CLSTN2: variants seen among roughly 807,000 people sequenced by gnomAD.
The protein encoded by CLSTN2 is calsyntenin 2, also known as calsyntenin-2.
Under a neutral mutation model 101.2 loss-of-function variants are expected in CLSTN2, and 48 were observed. The observed-to-expected ratio is 0.47, with a 90% CI of 0.38 to 0.60. The LOEUF is 0.60. CLSTN2 is among the 20% of genes least tolerant of loss of function. The pLI is 0.00. For synonymous variants in CLSTN2, 481 were observed against 463.6 expected, an observed-to-expected ratio of 1.04 and a Z score of -0.48; for missense variants, 1,160 against 1,238.2, an observed-to-expected ratio of 0.94 and a Z score of 0.95.
chr3:140,515,776 G>A (rs1335348390), intron 8 of CLSTN2, among the ~76,000 whole-genome samples: 1 of 151,956 alleles, frequency 6.6e-6, no homozygotes, highest in African/African-American at 2.4e-5. Flanking sequence ...CTTGTTTTGT[G>A]GCCTATCATA....
chr3:140,391,084 C>T (rs114588799), intron 2 of CLSTN2, among the ~76,000 whole-genome samples: 1,916 of 152,268 alleles, frequency 0.013, 41 homozygotes, highest in African/African-American at 0.043. Flanking sequence ...CAGCCAGAGA[C>T]TTGGAAACGG....
intron 1 of CLSTN2, among the ~76,000 whole-genome samples, chr3:140,136,541 C>T (rs1207016238): frequency 6.6e-6 from 1 of 152,128 alleles, no homozygotes; most frequent in Non-Finnish European, 1.5e-5. Flanking sequence ...TGATTTTAAT[C>T]CAGGTGGATA....
rs577585191 is a variant in CLSTN2 at position 140,556,191 on chromosome 3, C to A, written c.1675-322C>A. On this transcript the variant is annotated intron_variant, in intron 10 of 16. Transcript: ENST00000458420. ...TCCAGACCACCCGGCTAGCACAGAG[C>A]ATGGACCACTGTTCGCCAAGGGCTG... Among the ~76,000 whole-genome samples the A allele has an allele frequency of 9.9e-5, 15 of 152,266 alleles. No homozygotes were observed. The South Asian group carries it at 2.9e-3, about 29-fold the overall frequency.
intron 5 of CLSTN2, among the ~76,000 whole-genome samples, chr3:140,430,173 T>C (rs1040121369): frequency 3.3e-5 from 5 of 152,190 alleles, no homozygotes; most frequent in Admixed American, 3.3e-4. Context: ...TAAAGAAGGA[T>C]TCTTGCCCTC....
At chr3:140,197,437 G>C (rs766532886) in intron 2 of CLSTN2, among the ~76,000 whole-genome samples, 1 of 152,126 alleles carries the variant, frequency 6.6e-6, no homozygotes, top group Non-Finnish European at 1.5e-5. Context: ...AATCACATGA[G>C]TTTGTACAGG....
At chr3:140,226,769 GC>G (rs940256284) in intron 2 of CLSTN2, among the ~76,000 whole-genome samples, 10 of 152,194 alleles carry the variant, frequency 6.6e-5, no homozygotes, top group African/African-American at 2.2e-4. Context: ...GGCTGGGGAA[GC>G]CCCCCAATCA....
intron 1 of CLSTN2, among the ~76,000 whole-genome samples, chr3:140,094,367 T>C (rs879450554): frequency 6.6e-6 from 1 of 152,230 alleles, no homozygotes; most frequent in Admixed American, 6.5e-5. Context: ...GTAAAGTCTC[T>C]TCAAATTCTA....
intron 2 of CLSTN2, among the ~76,000 whole-genome samples, chr3:140,304,897 A>G (rs935481082): frequency 2.6e-5 from 4 of 152,046 alleles, no homozygotes; most frequent in Non-Finnish European, 5.9e-5. Flanking sequence ...TTACTTACCT[A>G]TTGTTGTAAG....
In CLSTN2 at chr3:140,571,980, G is replaced by A. The variant is rs550119818; in HGVS notation, c.*5727G>A. 6.6e-6 allele frequency: 1 copy of A among 152,424 alleles called. No individual in the cohort carries two copies. Among genetic ancestry groups the A allele is most frequent in the East Asian group, 1.9e-4 (1 of 5,182 alleles). 9.4% of individuals were successfully genotyped at this position (152,424 alleles called of 1,614,324 possible). A position where few individuals can be genotyped will look rare whatever the true frequency, so the allele number is the denominator to read the frequency against. ...GTGTAATTCAGCAGACCTTCACTGG[G>A]CACTTGTGATGGGTCAGGCCCTGTG... On this transcript the variant is annotated 3_prime_UTR_variant, in exon 17 of 17. Coordinates refer to ENST00000458420, the MANE Select transcript of CLSTN2 (RefSeq NM_022131.3).
Position 140,404,542 on chromosome 3 carries a change from C to G in CLSTN2, c.429-16C>G, listed in dbSNP as rs1386206525. ...TTTCTTTACCACCATCCCTTCCTTT[C>G]TGTGTGTGGTCCCAGGGCCGTGGTC... On this transcript the variant is annotated splice_polypyrimidine_tract_variant and intron_variant, in intron 3 of 16. Coordinates refer to ENST00000458420, the MANE Select transcript of CLSTN2 (RefSeq NM_022131.3). The G allele has an allele frequency of 6.2e-7, 1 of 1,612,686 alleles. No homozygotes were observed. The highest frequency in any genetic ancestry group is 1.1e-5 in the South Asian group (1 of 91,040).
intron 2 of CLSTN2, among the ~76,000 whole-genome samples, chr3:140,253,358 C>T (rs2086579607): frequency 6.6e-6 from 1 of 152,176 alleles, no homozygotes; most frequent in South Asian, 2.1e-4. Flanking sequence ...CCCCAGAAAA[C>T]CTGTTGTCAG....
chr3:140,521,065 T>TG (rs1935016478), intron 8 of CLSTN2, among the ~76,000 whole-genome samples: 1 of 140,014 alleles, frequency 7.1e-6, no homozygotes, highest in Non-Finnish European at 1.5e-5. Flanking sequence ...TTTTTTTTTT[T>TG]GCATTGAGTT....
At chr3:140,411,083 C>A (rs1186357073) in intron 4 of CLSTN2, among the ~76,000 whole-genome samples, 9 of 152,218 alleles carry the variant, frequency 5.9e-5, no homozygotes, top group African/African-American at 1.9e-4. Context: ...TAAGTCTTGA[C>A]CTATCAATAA....
intron 1 of CLSTN2, among the ~76,000 whole-genome samples, chr3:140,133,850 A>G (rs1355658735): frequency 1.3e-5 from 2 of 152,194 alleles, no homozygotes; most frequent in Non-Finnish European, 2.9e-5. Context: ...CCTGAGCAGT[A>G]GCCTGAGCAT....
chr3:140,318,965 C>G (rs2087257149), intron 2 of CLSTN2, among the ~76,000 whole-genome samples: 1 of 152,154 alleles, frequency 6.6e-6, no homozygotes, highest in Admixed American at 6.5e-5. Context: ...TGTAAAATTT[C>G]TGCATATTAC....
chr3:140,239,532 G>T (rs1220535109), intron 2 of CLSTN2, among the ~76,000 whole-genome samples: 1 of 152,152 alleles, frequency 6.6e-6, no homozygotes, highest in East Asian at 1.9e-4. Flanking sequence ...ATATTAAATG[G>T]TTGAAATGTT....
chr3:140,520,939 A>G (rs1347933027), intron 8 of CLSTN2, among the ~76,000 whole-genome samples: 1 of 151,522 alleles, frequency 6.6e-6, no homozygotes, highest in East Asian at 1.9e-4. Context: ...CACTTGGTCT[A>G]TTCTGTTATT....
chr3:140,257,557 TA>T (rs374465918), intron 2 of CLSTN2, among the ~76,000 whole-genome samples: 47,262 of 147,336 alleles, frequency 0.32, 8,647 homozygotes, highest in African/African-American at 0.51. Context: ...TATTTCTTTC[TA>T]GGGGTGTGTG....
chr3:140,277,214 G>T (rs565606886), intron 2 of CLSTN2, among the ~76,000 whole-genome samples: 135 of 152,316 alleles, frequency 8.9e-4, no homozygotes, highest in African/African-American at 3.0e-3. Flanking sequence ...GAGGTGCTTT[G>T]TATATGCTAA....
Sources: gnomAD v4.1 joint callset for allele counts (sites outside exome capture counted in the v4.1 genomes callset) on GRCh38, gnomAD v4.1.1 for gene constraint, MANE v1.5 for transcripts, NCBI Gene and HGNC (gene_info 2026-07-23, HGNC 2026-07-21) for gene names.